ARID3A: variants seen among roughly 807,000 people sequenced by gnomAD.
ARID3A encodes the protein AT-rich interactive domain-containing protein 3A.
Under a neutral mutation model 52.7 loss-of-function variants are expected in ARID3A, and 11 were observed. The ratio of observed to expected loss-of-function variants is 0.21; its 90% CI spans 0.13 to 0.35. The LOEUF is 0.35. Ranked by LOEUF, ARID3A falls within the 10% of genes least tolerant of loss-of-function variation. The probability of loss-of-function intolerance (pLI) is 1.00; values close to 1 mark genes in which losing one functional copy is unlikely to be tolerated. For missense variants in ARID3A, 721 were observed against 838.5 expected (o/e 0.86, Z 1.73); for synonymous variants, 404 against 359.4 (o/e 1.12, Z -1.40).
intron 3 of ARID3A, among the ~76,000 whole-genome samples, chr19:949,075 C>G (rs913857073): frequency 6.6e-6 from 1 of 152,186 alleles, no homozygotes; most frequent in South Asian, 2.1e-4. Flanking sequence ...GCCTCCTTCC[C>G]GCCTCTCCGG....
rs968013296 is a variant in ARID3A, at chr19:959,808, C to G, written c.694-284C>G. On this transcript the variant is annotated intron_variant, in intron 3 of 8. Transcript: ENST00000263620. The surrounding 1 kb of genome is among the most constrained non-coding windows in gnomAD (Gnocchi z 5.0). ...CAGGACGCACCTTGATCTGGGGTTC[C>G]CGGGCCCCTGGACCGGGAGAGGACA... Among the ~76,000 whole-genome samples the G allele has an allele frequency of 6.6e-6, 1 of 152,118 alleles. No homozygotes were observed. The highest frequency in any genetic ancestry group is 1.5e-5 in the Non-Finnish European group (1 of 68,026).
chr19:930,461 A>C (rs1031051238), intron 2 of ARID3A, among the ~76,000 whole-genome samples: 21 of 147,374 alleles, frequency 1.4e-4, no homozygotes, highest in Non-Finnish European at 2.1e-4. Context: ...CTGAGGCAGG[A>C]GAATGGCTTG....
rs1424846208 is a variant in ARID3A, at chr19:946,957, A to G, written c.694-13135A>G. ...TACAGGTGCGCCACTATGCCTGGCT[A>G]ATTTTTTTTTTTTTTTTTGTAAAAA... is the stretch of plus-strand genomic sequence containing the variant. On this transcript the variant is annotated intron_variant, in intron 3 of 8. Coordinates refer to ENST00000263620, the MANE Select transcript of ARID3A (RefSeq NM_005224.3). 4.8e-5 allele frequency among the ~76,000 whole-genome samples: 7 copies of G among 147,264 alleles called. No individual in the cohort carries two copies. The East Asian group carries it at 1.3e-3, about 26-fold the overall frequency.
At chr19:934,962 C>T (rs1327656617) in intron 3 of ARID3A, among the ~76,000 whole-genome samples, 3 of 152,294 alleles carry the variant, frequency 2.0e-5, no homozygotes, top group Non-Finnish European at 4.4e-5. Context: ...CCGATGCCGC[C>T]GCCCGCCCAG....
At position 966,234 on chromosome 19, in the gene ARID3A, C is replaced by T. The variant is rs373312772; in HGVS notation, c.1199-338C>T. ...CAGCACTTTGGGAGGCCGAGGCGGG[C>T]GGATCACCTGAGGTCAGGAGTTCAA... On this transcript the variant is annotated intron_variant, in intron 6 of 8. Coordinates refer to ENST00000263620, the MANE Select transcript of ARID3A (RefSeq NM_005224.3). 9.4e-3 allele frequency among the ~76,000 whole-genome samples: 1,417 copies of T among 150,738 alleles called. 13 individuals carry two copies. Among genetic ancestry groups the T allele is most frequent in the Non-Finnish European group, 0.015 (1,032 of 67,716 alleles).
At chr19:963,066 G>T (rs1396444149) in intron 4 of ARID3A, among the ~76,000 whole-genome samples, 2 of 152,202 alleles carry the variant, frequency 1.3e-5, no homozygotes, top group Non-Finnish European at 2.9e-5. Context: ...GAGGGTGGTG[G>T]GAGGTGTTTC....
chr19:933,668 C>CCA (rs1479635432), intron 3 of ARID3A, among the ~76,000 whole-genome samples: 1 of 152,088 alleles, frequency 6.6e-6, no homozygotes, highest in Non-Finnish European at 1.5e-5. Context: ...GCACAGACAC[C>CCA]CAGGGGGGCC....
chr19:927,630 A>G (rs1301256199), intron 1 of ARID3A, among the ~76,000 whole-genome samples: 1 of 108,152 alleles, frequency 9.2e-6, no homozygotes, highest in Non-Finnish European at 1.7e-5. Flanking sequence ...CAGGTGGGGG[A>G]GGGGCGACAG....
intron 3 of ARID3A, among the ~76,000 whole-genome samples, chr19:934,928 G>A (rs1403330868): frequency 1.3e-5 from 2 of 152,158 alleles, no homozygotes; most frequent in Non-Finnish European, 2.9e-5. Context: ...TCTTATCCTG[G>A]GCTGTTCGTG....
At chr19:953,722 C>T (rs986439151) in intron 3 of ARID3A, among the ~76,000 whole-genome samples, 1 of 152,080 alleles carries the variant, frequency 6.6e-6, no homozygotes, top group Non-Finnish European at 1.5e-5. Flanking sequence ...AGCTGCATTC[C>T]AGGCAGAAGG....
rs777065341 is a variant in ARID3A at position 968,484 on chromosome 19, C to A, written c.1575C>A (p.Ile525=). ...GSNSISMSVE[I]NGIMYTGVLF... The stretch of plus-strand genomic sequence containing the variant: ...ACAGCATCAGCATGTCGGTGGAGAT[C>A]AACGGCATCATGTACACAGGTAGGA... Residue 525 remains isoleucine (I), a synonymous_variant, in exon 8 of 9, where the codon ATC becomes ATA. Transcript: ENST00000263620. 8.7e-6 allele frequency: 14 copies of A among 1,613,934 alleles called. No homozygotes were observed. The highest frequency in any genetic ancestry group is 1.1e-5 in the Non-Finnish European group (13 of 1,179,968).
intron 4 of ARID3A, among the ~76,000 whole-genome samples, chr19:962,804 C>CG (rs1254798234): frequency 1.3e-5 from 2 of 152,170 alleles, no homozygotes; most frequent in Non-Finnish European, 2.9e-5. Context: ...CTTGAGCCAC[C>CG]GCGCCCGGCC....
chr19:957,631 A>G (rs1179663021), intron 3 of ARID3A, among the ~76,000 whole-genome samples: 2 of 152,194 alleles, frequency 1.3e-5, no homozygotes, highest in Admixed American at 1.3e-4. Flanking sequence ...GAGGGAGCCC[A>G]GGAGGTCGAG....
Position 968,450 on chromosome 19 carries a change from A to G in ARID3A, c.1541A>G (p.Asn514Ser). Reference sequence around the variant, plus strand: ...TCTGCTGTGAACCTGACGGGCACCAACGGCAGCAACAGCATCAGCATGTCG... The same window carrying G: ...TCTGCTGTGAACCTGACGGGCACCAGCGGCAGCAACAGCATCAGCATGTCG... ...QDSAVNLTGT[N>S]GSNSISMSVE... is the part of the protein sequence containing the mutation. The change falls in exon 8 of 9, where the codon AAC (asparagine) becomes AGC (serine). Residue 514 changes from asparagine (N) to serine (S), a missense_variant. Asn to Ser is a conservative substitution (Grantham distance 46). Transcript: ENST00000263620. 6.2e-7 allele frequency: 1 copy of G among 1,614,104 alleles called. No homozygotes were observed. The highest frequency in any genetic ancestry group is 1.1e-5 in the South Asian group (1 of 91,082).
chr19:967,680 T>G (rs1269822596), intron 7 of ARID3A, among the ~76,000 whole-genome samples: 1 of 152,210 alleles, frequency 6.6e-6, no homozygotes, highest in Non-Finnish European at 1.5e-5. Flanking sequence ...CGTCTACACC[T>G]TGTAAAGCTA....
Position 974,442 on chromosome 19 carries a change from C to T in ARID3A, c.*2377C>T, listed in dbSNP as rs563793399. On this transcript the variant is annotated 3_prime_UTR_variant, in exon 9 of 9. Transcript: ENST00000263620. ...ACCTGGACTCTGTCCGTGTCTGTCC[C>T]CCGGCCTCCAGGGCTCCTCTCCCGG... 4.3e-6 allele frequency: 1 copy of T among 231,226 alleles called. No homozygotes were observed. Among genetic ancestry groups the T allele is most frequent in the African/African-American group, 2.2e-5 (1 of 45,286 alleles). The allele number at this position is 231,226 out of a possible 1,614,324, so 14.3% of individuals were successfully genotyped here.
chr19:926,390 C>T (rs1310142937), intron 1 of ARID3A, among the ~76,000 whole-genome samples: 1 of 151,724 alleles, frequency 6.6e-6, no homozygotes, highest in East Asian at 2.0e-4. Flanking sequence ...GGAGACTTCA[C>T]TCCCCACTGG....
rs925420419 is a variant in ARID3A at position 973,666 on chromosome 19, C to T, written c.*1601C>T. 2 of 226,636 alleles carry T rather than the reference C, an allele frequency of 8.8e-6. No individual in the cohort carries two copies. The highest frequency in any genetic ancestry group is 5.7e-5 in the Admixed American group (1 of 17,552). 14.0% of individuals were successfully genotyped at this position (226,636 alleles called of 1,614,324 possible). A position where few individuals can be genotyped will look rare whatever the true frequency, so the allele number is the denominator to read the frequency against. ...ACACCCCCCACACCCCAACATTCTCCTCGCTCTGTCCCTTCCTCTTCTCCC... is the reference window on the plus strand; with the variant it reads ...ACACCCCCCACACCCCAACATTCTCTTCGCTCTGTCCCTTCCTCTTCTCCC... On this transcript the variant is annotated 3_prime_UTR_variant, in exon 9 of 9. Transcript: ENST00000263620.
At position 972,161 on chromosome 19, in the gene ARID3A, G is replaced by A. The variant is rs976393536; in HGVS notation, c.*96G>A. The stretch of plus-strand genomic sequence containing the variant: ...CAGGGGCCAGGATGGCGGAAGATAC[G>A]GGTGGGGAGGGAAGATATCCAGAAA... On this transcript the variant is annotated 3_prime_UTR_variant, in exon 9 of 9. Transcript: ENST00000263620. The A allele has an allele frequency of 7.6e-6, 9 of 1,181,172 alleles. No individual in the cohort carries two copies. The highest frequency in any genetic ancestry group is 1.0e-5 in the Non-Finnish European group (9 of 873,444). 73.2% of individuals were successfully genotyped at this position (1,181,172 alleles called of 1,614,324 possible).
Sources: allele counts gnomAD v4.1 joint callset (sites outside exome capture counted in the v4.1 genomes callset), GRCh38; gene constraint gnomAD v4.1.1; non-coding constraint Gnocchi (gnomAD v3.1); transcripts MANE v1.5; gene names NCBI Gene and HGNC (gene_info 2026-07-23, HGNC 2026-07-21).